The following ANKS1A variants were observed in gnomAD, a reference collection of about 807,000 sequenced individuals.
ANKS1A encodes the protein ankyrin repeat and SAM domain-containing protein 1A.
Under a neutral mutation model 120.3 loss-of-function variants are expected in ANKS1A, and 55 were observed. That is an observed-to-expected ratio of 0.46 (90% CI 0.37 to 0.57). The LOEUF is 0.57. Among genes scored for constraint, ANKS1A ranks in the 20% least tolerant of loss-of-function variants. ANKS1A has a pLI of 0.00. For missense variants in ANKS1A, 1,123 were observed against 1,480.3 expected, an observed-to-expected ratio of 0.76 and a Z score of 3.96; for synonymous variants, 590 against 604.7, an observed-to-expected ratio of 0.98 and a Z score of 0.36.
At chr6:34,943,851 T>A (rs1769649169) in intron 1 of ANKS1A, among the ~76,000 whole-genome samples, 1 of 152,274 alleles carries the variant, frequency 6.6e-6, no homozygotes, top group Non-Finnish European at 1.5e-5. Context: ...ATAGAGCTGC[T>A]ATAAACATTT....
intron 1 of ANKS1A, among the ~76,000 whole-genome samples, chr6:34,899,972 C>T (rs1581663774): frequency 6.6e-6 from 1 of 152,228 alleles, no homozygotes; most frequent in African/African-American, 2.4e-5. Flanking sequence ...TTGCTACTGA[C>T]AGTATTGTGG....
intron 11 of ANKS1A, among the ~76,000 whole-genome samples, chr6:35,018,351 C>A (rs185624036): frequency 2.6e-5 from 4 of 152,206 alleles, no homozygotes; most frequent in Admixed American, 6.5e-5. Flanking sequence ...TATTTGGATC[C>A]CATCAGCCCC....
At chr6:34,997,396 G>A (rs575597622) in intron 10 of ANKS1A, among the ~76,000 whole-genome samples, 2 of 151,846 alleles carry the variant, frequency 1.3e-5, no homozygotes, top group South Asian at 4.2e-4. Context: ...GGGTTTTGCC[G>A]TGTTGGCCAG....
rs10667602 is a variant in ANKS1A at position 35,070,024 on chromosome 6, C to CAAA, written c.2185-8517_2185-8515dup. 5.1e-3 allele frequency among the ~76,000 whole-genome samples: 488 copies of CAAA among 95,314 alleles called. 8 individuals are homozygous for CAAA. The highest frequency in any genetic ancestry group is 0.012 in the Middle Eastern group (2 of 170). The allele number at this position is 95,314 out of a possible 152,430, so 62.5% of individuals were successfully genotyped here. A position where few individuals can be genotyped will look rare whatever the true frequency, so the allele number is the denominator to read the frequency against. ...CCTGGGTGACAGAGCAAGACTCTGTCAAAAAAAAAAAAAAAAAAAGAGACT... is the reference window on the plus strand; with the variant it reads ...CCTGGGTGACAGAGCAAGACTCTGTCAAAAAAAAAAAAAAAAAAAAAAGAGACT... On this transcript the variant is annotated intron_variant, in intron 13 of 23. Transcript: ENST00000360359.
chr6:35,017,662 A>C lies in ANKS1A; in HGVS notation c.1613A>C (p.His538Pro), dbSNP rs760663991. 3.6e-5 allele frequency: 58 copies of C among 1,613,874 alleles called. No homozygotes were observed. In the Admixed American group the frequency reaches 5.7e-4, roughly 16 times the overall value. The change falls in exon 11 of 24, where the codon CAC (histidine) becomes CCC (proline). Residue 538 changes from histidine (H) to proline (P), a missense_variant. Physicochemically the swap from His to Pro is moderately conservative, Grantham distance 77 (BLOSUM62 -2). Around this residue, in one of 3 missense-constraint regions of ANKS1A, gnomAD observed 904 missense variants for 1,130.4 expected, o/e 0.80. Coordinates refer to ENST00000360359, the MANE Select transcript of ANKS1A (RefSeq NM_015245.3). ...PDGSPQQGAC[H>P]KASMQLEETG... ...GGGTCCCCCCAGCAGGGCGCCTGCC[A>C]CAAGGCCAGCATGCAGCTGGAGGAG...
intron 10 of ANKS1A, among the ~76,000 whole-genome samples, chr6:35,013,990 C>T (rs543315903): frequency 5.9e-5 from 9 of 152,278 alleles, no homozygotes; most frequent in East Asian, 3.9e-4. Flanking sequence ...ATGCATTACA[C>T]GTATAATTTA....
At chr6:35,014,911 G>A (rs1773924917) in intron 10 of ANKS1A, among the ~76,000 whole-genome samples, 1 of 152,138 alleles carries the variant, frequency 6.6e-6, no homozygotes, top group South Asian at 2.1e-4. Context: ...CTATTGACCT[G>A]AACCACATTA....
chr6:35,070,646 C>T lies in ANKS1A; in HGVS notation c.2185-7912C>T, dbSNP rs1049375030. On this transcript the variant is annotated intron_variant, in intron 13 of 23. Coordinates refer to ENST00000360359, the MANE Select transcript of ANKS1A (RefSeq NM_015245.3). ...CTGGGACTACAGGTGTCTGCCACCA[C>T]GCTAATTTTTTGTATTTTTACTAGA... is the stretch of plus-strand genomic sequence containing the variant. 4.0e-5 allele frequency among the ~76,000 whole-genome samples: 6 copies of T among 151,854 alleles called. No homozygotes were observed. In the South Asian group the frequency reaches 6.2e-4, roughly 16 times the overall value.
At chr6:35,005,719 CAAGA>C (rs1293024634) in intron 10 of ANKS1A, 4 of 447,592 alleles carry the variant, frequency 8.9e-6, no homozygotes, top group Non-Finnish European at 1.8e-5. Context: ...CAATTTTGAT[CAAGA>C]AAGAGGAAAA....
Position 35,078,546 on chromosome 6 carries a change from T to G in ANKS1A, c.2185-12T>G, listed in dbSNP as rs767407712. On this transcript the variant is annotated splice_polypyrimidine_tract_variant and intron_variant, in intron 13 of 23. Transcript: ENST00000360359. ...CCAGGAGGGGCCCTGACATCCACCTTTCTGCTCTCAGGGGTCTAATGTGAT... is the reference window on the plus strand; with the variant it reads ...CCAGGAGGGGCCCTGACATCCACCTGTCTGCTCTCAGGGGTCTAATGTGAT... 40 of 1,610,476 alleles carry G rather than the reference T, an allele frequency of 2.5e-5. No individual in the cohort carries two copies. Among genetic ancestry groups the G allele is most frequent in the Non-Finnish European group, 3.3e-5 (39 of 1,179,258 alleles).
intron 1 of ANKS1A, among the ~76,000 whole-genome samples, chr6:34,940,637 A>G (rs1769475658): frequency 6.6e-6 from 1 of 152,156 alleles, no homozygotes; most frequent in African/African-American, 2.4e-5. Context: ...AATTATTAAA[A>G]TATTGGCTCA....
intron 13 of ANKS1A, among the ~76,000 whole-genome samples, chr6:35,074,416 A>G (rs1777236044): frequency 6.6e-6 from 1 of 151,832 alleles, no homozygotes; most frequent in Admixed American, 6.6e-5. Context: ...CTTGGGCAAC[A>G]TAGTGAGACC....
At chr6:35,091,477 C>T (rs1005362678), downstream of ANKS1A, 1 of 949,314 alleles carries the variant, frequency 1.1e-6, no homozygotes, top group Non-Finnish European at 1.3e-6. Context: ...TGGGCACAGG[C>T]GAGACGCAGG....
intron 10 of ANKS1A, among the ~76,000 whole-genome samples, chr6:35,007,311 A>C (rs1220815801): frequency 6.6e-6 from 1 of 152,240 alleles, no homozygotes; most frequent in Non-Finnish European, 1.5e-5. Context: ...AGAAGTGGAA[A>C]GCCTTAATAG....
At chr6:35,077,377 C>T (rs1412671158) in intron 13 of ANKS1A, among the ~76,000 whole-genome samples, 1 of 152,212 alleles carries the variant, frequency 6.6e-6, no homozygotes, top group Non-Finnish European at 1.5e-5. Flanking sequence ...AGGAGGTGGG[C>T]CCACATGCAC....
chr6:34,975,030 C>T (rs1024257323), intron 3 of ANKS1A, among the ~76,000 whole-genome samples: 2 of 152,158 alleles, frequency 1.3e-5, no homozygotes, highest in Non-Finnish European at 2.9e-5. Flanking sequence ...CTTGAAAGTA[C>T]ATTTTCCTAT....
intron 1 of ANKS1A, among the ~76,000 whole-genome samples, chr6:34,895,780 CTTTT>C (rs995285475): frequency 3.3e-5 from 3 of 90,384 alleles, no homozygotes; most frequent in Non-Finnish European, 6.3e-5. Flanking sequence ...GAATGTCTTT[CTTTT>C]TTTTTTTTTT....
intron 10 of ANKS1A, among the ~76,000 whole-genome samples, chr6:34,997,258 A>G (rs1433928054): frequency 6.9e-6 from 1 of 144,028 alleles, no homozygotes; most frequent in African/African-American, 2.6e-5. Flanking sequence ...GTGCAGTGGC[A>G]TGACCTCAGC....
chr6:34,907,164 A>C (rs539945718), intron 1 of ANKS1A, among the ~76,000 whole-genome samples: 1 of 152,316 alleles, frequency 6.6e-6, no homozygotes, highest in East Asian at 1.9e-4. Context: ...ACAAGCAAAG[A>C]CTGAGGAACT....
Sources: allele counts gnomAD v4.1 joint callset (sites outside exome capture counted in the v4.1 genomes callset), GRCh38; gene constraint gnomAD v4.1.1; regional missense constraint gnomAD v4.1.1; transcripts MANE v1.5; gene names NCBI Gene and HGNC (gene_info 2026-07-23, HGNC 2026-07-21).